Variants in REDIC1 observed in about 807,000 individuals in gnomAD.
REDIC1 encodes the protein HEI10 Interacting Protein 1.
At chr12:39,629,361 G>T in the REDIC1 span, among the ~76,000 whole-genome samples, 5 of 152,134 alleles carry the variant, frequency 3.3e-5, no homozygotes, top group Non-Finnish European at 1.5e-5. Flanking sequence ...AATGAATGAA[G>T]CAAATTTATG....
At chr12:39,843,796 T>C in the REDIC1 span, among the ~76,000 whole-genome samples, 2 of 151,988 alleles carry the variant, frequency 1.3e-5, no homozygotes, top group Non-Finnish European at 2.9e-5. Context: ...ACCACAAAGA[T>C]TTTGTTATTG....
chr12:39,905,740 T>G, the REDIC1 span, among the ~76,000 whole-genome samples: 1 of 151,798 alleles, frequency 6.6e-6, no homozygotes, highest in African/African-American at 2.4e-5. Context: ...CAATCATGTA[T>G]ATCTTTTTAA....
chr12:39,731,200 G>C, the REDIC1 span, among the ~76,000 whole-genome samples: 1 of 152,082 alleles, frequency 6.6e-6, no homozygotes, highest in South Asian at 2.1e-4. Flanking sequence ...TCCCTTGCTG[G>C]GGAGGAGTTG....
chr12:39,720,852 C>T, the REDIC1 span: 8 of 1,612,514 alleles, frequency 5.0e-6, no homozygotes, highest in African/African-American at 1.3e-5. Context: ...CCATCAAAAC[C>T]AAGGAAAAAA....
At chr12:39,905,774 A>G in the REDIC1 span, among the ~76,000 whole-genome samples, 1 of 151,238 alleles carries the variant, frequency 6.6e-6, no homozygotes, top group Non-Finnish European at 1.5e-5. Flanking sequence ...GTCTGCCACA[A>G]ATTGAAACAG....
the REDIC1 span, among the ~76,000 whole-genome samples, chr12:39,777,238 G>T: frequency 6.6e-6 from 1 of 152,164 alleles, no homozygotes; most frequent in Non-Finnish European, 1.5e-5. Flanking sequence ...GAAGAGACCG[G>T]ACTAAACTGA....
chr12:39,864,885 T>TAA, the REDIC1 span: 180 of 1,251,904 alleles, frequency 1.4e-4, no homozygotes, highest in African/African-American at 6.7e-4. Context: ...GGTGGTACCT[T>TAA]AAAAAAAAAA....
chr12:39,705,902 TGAC>T, the REDIC1 span, among the ~76,000 whole-genome samples: 2 of 152,050 alleles, frequency 1.3e-5, no homozygotes, highest in African/African-American at 4.8e-5. Context: ...ATATAGAACA[TGAC>T]AAGTATGCCC....
chr12:39,829,967 G>T, the REDIC1 span: 1 of 1,069,160 alleles, frequency 9.4e-7, no homozygotes. Context: ...ACTATCACCA[G>T]TATATGCTGC....
chr12:39,859,424 T>C, the REDIC1 span, among the ~76,000 whole-genome samples: 1 of 147,344 alleles, frequency 6.8e-6, no homozygotes, highest in Admixed American at 6.9e-5. Flanking sequence ...CAAAACAACA[T>C]GCCACTGTCC....
chr12:39,653,573 T>TTC, the REDIC1 span, among the ~76,000 whole-genome samples: 4 of 63,510 alleles, frequency 6.3e-5, no homozygotes, highest in East Asian at 4.0e-4. Flanking sequence ...TCTTCTTCTT[T>TTC]TTCTTCCTCT....
the REDIC1 span, among the ~76,000 whole-genome samples, chr12:39,880,793 A>G: frequency 6.6e-6 from 1 of 152,192 alleles, no homozygotes; most frequent in African/African-American, 2.4e-5. Context: ...GGAAAGACCA[A>G]TTACTTGTCT....
chr12:39,713,897 G>T, the REDIC1 span, among the ~76,000 whole-genome samples: 2 of 147,050 alleles, frequency 1.4e-5, no homozygotes, highest in Admixed American at 6.8e-5. Context: ...ACACTTATAC[G>T]TATATACGTA....
chr12:39,673,830 G>A, the REDIC1 span, among the ~76,000 whole-genome samples: 1 of 152,010 alleles, frequency 6.6e-6, no homozygotes, highest in African/African-American at 2.4e-5. Flanking sequence ...CACTGTATTT[G>A]TTAGTGGTTC....
chr12:39,711,826 T>C, the REDIC1 span, among the ~76,000 whole-genome samples: 1 of 40,146 alleles, frequency 2.5e-5, no homozygotes, highest in East Asian at 5.7e-4. Flanking sequence ...TACACATGCA[T>C]GTGTATATGT....
chr12:39,658,087 C>CTT, the REDIC1 span, among the ~76,000 whole-genome samples: 109 of 147,582 alleles, frequency 7.4e-4, 1 homozygote, highest in Middle Eastern at 3.5e-3. Flanking sequence ...CATCAAAATA[C>CTT]TTTTTTTTTT....
At chr12:39,712,558 TGTATATAC>T in the REDIC1 span, among the ~76,000 whole-genome samples, 1,956 of 142,350 alleles carry the variant, frequency 0.014, 123 homozygotes, top group Admixed American at 0.093. Flanking sequence ...ACGACATATG[TGTATATAC>T]GTATATACGT....
chr12:39,785,833 C>T, the REDIC1 span, among the ~76,000 whole-genome samples: 3 of 152,178 alleles, frequency 2.0e-5, no homozygotes, highest in African/African-American at 4.8e-5. Context: ...TTAGACTGCC[C>T]TGCTGGATTT....
chr12:39,680,521 T>G, the REDIC1 span, among the ~76,000 whole-genome samples: 1 of 152,196 alleles, frequency 6.6e-6, no homozygotes, highest in African/African-American at 2.4e-5. Context: ...ACTTTTACAC[T>G]GCTGGTGGGT....
Sources: gnomAD v4.1 joint callset for allele counts (sites outside exome capture counted in the v4.1 genomes callset) on GRCh38, gnomAD v4.1.1 for gene constraint, MANE v1.5 for transcripts, NCBI Gene and HGNC (gene_info 2026-07-23, HGNC 2026-07-21) for gene names.